Variants in SCMH1 observed in about 807,000 individuals in gnomAD.
SCMH1 encodes the protein Scm polycomb group protein homolog 1.
A neutral mutation model predicts 70.8 loss-of-function variants in SCMH1; 37 were observed. That is an observed-to-expected ratio of 0.52 (90% CI 0.40 to 0.69). The LOEUF (loss-of-function observed/expected upper bound fraction) is 0.69, where lower values mean the gene tolerates loss of function less well. Among genes scored for constraint, SCMH1 ranks in the 30% least tolerant of loss-of-function variants. SCMH1 has a pLI of 0.00. For missense variants in SCMH1, 607 were observed against 827.3 expected (o/e 0.73, Z 3.27); for synonymous variants, 292 against 307.4 (o/e 0.95, Z 0.52).
chr1:41,048,600 A>C (rs908228594), intron 11 of SCMH1, 90 bp downstream of exon 11: 26 of 1,141,626 alleles, frequency 2.3e-5, no homozygotes, highest in Non-Finnish European at 1.3e-6. Flanking sequence ...GCAGGTATGA[A>C]GTGGGAACCA....
intron 10 of SCMH1, among the ~76,000 whole-genome samples, chr1:41,058,102 CAGAG>C: frequency 8.0e-6 from 1 of 124,296 alleles, no homozygotes; most frequent in South Asian, 2.4e-4. Flanking sequence ...GCCTGAGAGA[CAGAG>C]GGAGATTGTC....
chr1:41,094,614 G>T (rs530559822), intron 8 of SCMH1, among the ~76,000 whole-genome samples: 145 of 152,230 alleles, frequency 9.5e-4, no homozygotes, highest in African/African-American at 3.2e-3. Flanking sequence ...AAAGAGCCAG[G>T]CATCATGGCT....
intron 1 of SCMH1, among the ~76,000 whole-genome samples, chr1:41,210,761 G>C (rs1033907812): frequency 6.6e-6 from 1 of 150,446 alleles, no homozygotes; most frequent in East Asian, 1.9e-4. Context: ...AACCCTAGAA[G>C]AAAACCTAGG....
intron 6 of SCMH1, among the ~76,000 whole-genome samples, chr1:41,138,750 A>T (rs1643751660): frequency 6.6e-6 from 1 of 152,162 alleles, no homozygotes; most frequent in South Asian, 2.1e-4. Flanking sequence ...GTTTAACTCA[A>T]GTTGAGTTGC....
intron 1 of SCMH1, among the ~76,000 whole-genome samples, chr1:41,225,167 T>C (rs1211941585): frequency 6.6e-6 from 1 of 152,204 alleles, no homozygotes; most frequent in Non-Finnish European, 1.5e-5. Context: ...TTTAACTTTC[T>C]CTCTGCACCT....
rs79264630 is a variant in SCMH1 at position 41,185,571 on chromosome 1, A to T, written c.13+550T>A. Among the ~76,000 whole-genome samples, 8 of 152,262 alleles carry T rather than the reference A, an allele frequency of 5.3e-5. No individual in the cohort carries two copies. The East Asian group carries it at 1.5e-3, about 29-fold the overall frequency. ...ATTGTATTTCTGCTGGACACAGTGG[A>T]CAAATTCATTAAATAATAGTTTCCT... is the stretch of plus-strand genomic sequence containing the variant. On this transcript the variant is annotated intron_variant, in intron 2 of 14. Coordinates refer to ENST00000337495, the Ensembl canonical transcript of SCMH1.
intron 1 of SCMH1, among the ~76,000 whole-genome samples, chr1:41,235,122 G>GA (rs1418400895): frequency 1.3e-5 from 2 of 152,072 alleles, no homozygotes; most frequent in Non-Finnish European, 2.9e-5. Flanking sequence ...ACATTAGATT[G>GA]AATAGGCCAC....
At chr1:41,075,556 A>G in intron 8 of SCMH1, 105 bp from the exon 9 acceptor site, 2 of 891,470 alleles carry the variant, frequency 2.2e-6, no homozygotes, top group Non-Finnish European at 3.4e-6. Flanking sequence ...GTTTTGTTCC[A>G]AGAAGCTGGT....
chr1:41,163,567 T>C (rs1183129489), intron 2 of SCMH1, among the ~76,000 whole-genome samples: 1 of 152,212 alleles, frequency 6.6e-6, no homozygotes, highest in Non-Finnish European at 1.5e-5. Context: ...TAATTCAGCA[T>C]GACTGGTGTT....
intron 1 of SCMH1, among the ~76,000 whole-genome samples, chr1:41,210,385 G>A (rs923173984): frequency 1.3e-5 from 2 of 152,114 alleles, no homozygotes; most frequent in African/African-American, 4.8e-5. Flanking sequence ...AACCAAAAAA[G>A]AGCCCACATA....
At chr1:41,050,622 A>G (rs1571494813) in intron 10 of SCMH1, among the ~76,000 whole-genome samples, 1 of 152,220 alleles carries the variant, frequency 6.6e-6, no homozygotes, top group Non-Finnish European at 1.5e-5. Context: ...TTGAACGAAT[A>G]CATTTAACTC....
chr1:41,096,546 T>C (rs1665125503), intron 8 of SCMH1, among the ~76,000 whole-genome samples: 1 of 152,192 alleles, frequency 6.6e-6, no homozygotes, highest in African/African-American at 2.4e-5. Flanking sequence ...CTGACTGTAG[T>C]GAACTTTCTG....
At position 41,098,298 on chromosome 1, in the gene SCMH1, A is replaced by G. The variant is rs567265698; in HGVS notation, c.745+14985T>C. ...AAACAACATATATCATTTGGTAGCT[A>G]ATTCAAGTAAAACTTGAGAAAGTGA... is the stretch of plus-strand genomic sequence containing the variant. On this transcript the variant is annotated intron_variant, in intron 8 of 14. Transcript: ENST00000337495. 7.8e-4 allele frequency among the ~76,000 whole-genome samples: 119 copies of G among 152,336 alleles called. 1 individual carries two copies. The highest frequency in any genetic ancestry group is 5.1e-3 in the Admixed American group (78 of 15,300).
intron 5 of SCMH1, among the ~76,000 whole-genome samples, chr1:41,147,231 C>T (rs1337325151): frequency 3.3e-5 from 5 of 152,098 alleles, no homozygotes; most frequent in Admixed American, 6.5e-5. Context: ...CTAAATCTTT[C>T]GACCCAGATC....
At chr1:41,214,799 G>T (rs1657756047) in intron 1 of SCMH1, among the ~76,000 whole-genome samples, 1 of 152,076 alleles carries the variant, frequency 6.6e-6, no homozygotes, top group Admixed American at 6.6e-5. Flanking sequence ...AAAGGAAAAA[G>T]CTTTAGTTAT....
chr1:41,150,016 T>C (rs1644922603), intron 5 of SCMH1, among the ~76,000 whole-genome samples: 2 of 152,166 alleles, frequency 1.3e-5, no homozygotes, highest in Non-Finnish European at 2.9e-5. Flanking sequence ...TTGGTTTCTC[T>C]GGACTCACAT....
At chr1:41,077,870 A>G (rs1658826282) in intron 8 of SCMH1, among the ~76,000 whole-genome samples, 1 of 152,212 alleles carries the variant, frequency 6.6e-6, no homozygotes, top group Non-Finnish European at 1.5e-5. Context: ...TACAAAAATT[A>G]TTAGACATAA....
chr1:41,199,448 G>C (rs1653782207), intron 1 of SCMH1, among the ~76,000 whole-genome samples: 1 of 152,104 alleles, frequency 6.6e-6, no homozygotes, highest in Admixed American at 6.5e-5. Context: ...TGTTTTGTGA[G>C]AGTCATCCAC....
intron 8 of SCMH1, among the ~76,000 whole-genome samples, chr1:41,083,879 G>A (rs1013374552): frequency 3.9e-5 from 6 of 152,192 alleles, no homozygotes; most frequent in Non-Finnish European, 8.8e-5. Context: ...ATGGGGAAAG[G>A]ATTCCCTATT....
Sources: allele counts gnomAD v4.1 joint callset (sites outside exome capture counted in the v4.1 genomes callset), GRCh38; gene constraint gnomAD v4.1.1; transcripts MANE v1.5; gene names NCBI Gene and HGNC (gene_info 2026-07-23, HGNC 2026-07-21).